Variants in PRKCH observed in about 807,000 individuals in gnomAD.
The protein encoded by PRKCH is protein kinase C eta.
In PRKCH, 28 loss-of-function variants were observed where a neutral mutation model predicts 82.5. The ratio of observed to expected loss-of-function variants is 0.34; its 90% confidence interval spans 0.25 to 0.47. The LOEUF is 0.47. PRKCH is among the 20% of genes least tolerant of loss of function. The pLI, the probability that PRKCH is intolerant of heterozygous loss-of-function variation, is 1.00. For synonymous variants in PRKCH, 322 were observed against 327.4 expected, an observed-to-expected ratio of 0.98 and a Z score of 0.18; for missense variants, 705 against 881.8, an observed-to-expected ratio of 0.80 and a Z score of 2.54.
intron 10 of PRKCH, among the ~76,000 whole-genome samples, chr14:61,493,800 G>A (rs1287471453): frequency 1.3e-5 from 2 of 151,810 alleles, no homozygotes; most frequent in African/African-American, 4.8e-5. Context: ...TGAGGCAGTT[G>A]CAGAGTTCCA....
intron 1 of PRKCH, among the ~76,000 whole-genome samples, chr14:61,275,109 A>G (rs1467854293): frequency 1.3e-5 from 2 of 152,200 alleles, no homozygotes; most frequent in African/African-American, 4.8e-5. Flanking sequence ...AATGTCTTTT[A>G]CTTATTAAAA....
intron 3 of PRKCH, among the ~76,000 whole-genome samples, chr14:61,444,463 G>A (rs530196126): frequency 8.1e-6 from 1 of 123,142 alleles, no homozygotes; most frequent in Non-Finnish European, 1.8e-5. Context: ...CCAGGCCCCT[G>A]TAGGCATTAG....
At chr14:61,403,525 A>C (rs770458588) in intron 2 of PRKCH, among the ~76,000 whole-genome samples, 2 of 152,286 alleles carry the variant, frequency 1.3e-5, no homozygotes, top group Non-Finnish European at 2.9e-5. Context: ...TCTCATAAAA[A>C]TAAGGTCAGG....
Position 61,549,904 on chromosome 14 carries a change from G to A in PRKCH, c.*73G>A. The A allele has an allele frequency of 6.6e-7, 1 of 1,507,502 alleles. No individual in the cohort carries two copies. The highest frequency in any genetic ancestry group is 9.0e-7 in the Non-Finnish European group (1 of 1,111,302). 93.4% of individuals were successfully genotyped at this position (1,507,502 alleles called of 1,614,324 possible). On this transcript the variant is annotated 3_prime_UTR_variant, in exon 14 of 14. Transcript: ENST00000332981. Reference sequence around the variant, plus strand: ...GATTCTCCAGGAATTTCCTCTATGGGACCTTCCCAGCATCAGCCTTAGAAC... The same window carrying A: ...GATTCTCCAGGAATTTCCTCTATGGAACCTTCCCAGCATCAGCCTTAGAAC...
intron 1 of PRKCH, among the ~76,000 whole-genome samples, chr14:61,205,899 T>A (rs1429243438): frequency 2.0e-5 from 3 of 152,226 alleles, no homozygotes; most frequent in Non-Finnish European, 4.4e-5. Flanking sequence ...TTTTGGGTTT[T>A]CTTCCTTCTC....
chr14:61,266,618 C>T (rs1566799922), intron 1 of PRKCH, among the ~76,000 whole-genome samples: 3 of 152,110 alleles, frequency 2.0e-5, no homozygotes. Flanking sequence ...TGACTCAGCA[C>T]TGAAACATGG....
intron 2 of PRKCH, among the ~76,000 whole-genome samples, chr14:61,410,956 G>C (rs1769419780): frequency 6.6e-6 from 1 of 152,198 alleles, no homozygotes; most frequent in Admixed American, 6.5e-5. Flanking sequence ...AAATGAGGGT[G>C]ATTGCAAAGG....
At chr14:61,435,389 TTGAG>T (rs1286350355) in intron 2 of PRKCH, among the ~76,000 whole-genome samples, 1 of 152,116 alleles carries the variant, frequency 6.6e-6, no homozygotes, top group East Asian at 1.9e-4. Flanking sequence ...CTAAGGTTGT[TTGAG>T]TGACTCCAAG....
chr14:61,549,078 C>A (rs757909913), intron 13 of PRKCH, among the ~76,000 whole-genome samples: 51 of 152,302 alleles, frequency 3.3e-4, no homozygotes, highest in Middle Eastern at 3.4e-3. Flanking sequence ...CAATGGTCAG[C>A]CCCCTGCCAG....
At chr14:61,472,414 G>A (rs1270250317) in intron 9 of PRKCH, among the ~76,000 whole-genome samples, 1 of 152,182 alleles carries the variant, frequency 6.6e-6, no homozygotes, top group East Asian at 1.9e-4. Context: ...CCTGTGTGTG[G>A]TACATGTGGT....
chr14:61,398,881 C>A (rs921518557), intron 2 of PRKCH, among the ~76,000 whole-genome samples: 1 of 152,104 alleles, frequency 6.6e-6, no homozygotes, highest in Admixed American at 6.5e-5. Flanking sequence ...AATATATGGG[C>A]CACATTTTAT....
chr14:61,408,435 C>T (rs1274947817), intron 2 of PRKCH, among the ~76,000 whole-genome samples: 1 of 152,048 alleles, frequency 6.6e-6, no homozygotes, highest in African/African-American at 2.4e-5. Context: ...TCAAAATTTC[C>T]TGGGAATTGC....
At chr14:61,437,582 C>G (rs1000020111) in intron 2 of PRKCH, among the ~76,000 whole-genome samples, 3 of 152,286 alleles carry the variant, frequency 2.0e-5, no homozygotes, top group Non-Finnish European at 2.9e-5. Context: ...CTCACTTAAC[C>G]TTCCTGTTAG....
chr14:61,224,445 G>A (rs1013207000), intron 1 of PRKCH, among the ~76,000 whole-genome samples: 7 of 152,186 alleles, frequency 4.6e-5, no homozygotes, highest in African/African-American at 1.7e-4. Flanking sequence ...GACCCCATCT[G>A]AGATCATGCA....
intron 2 of PRKCH, among the ~76,000 whole-genome samples, chr14:61,395,493 G>A (rs1171916981): frequency 6.6e-6 from 1 of 152,158 alleles, no homozygotes; most frequent in Non-Finnish European, 1.5e-5. Context: ...GTAAGGTCAG[G>A]CCTGCCCAGT....
At chr14:61,293,892 C>G (rs1267844295) in intron 1 of PRKCH, among the ~76,000 whole-genome samples, 6 of 152,172 alleles carry the variant, frequency 3.9e-5, no homozygotes, top group Non-Finnish European at 8.8e-5. Context: ...CAAGCTCTTT[C>G]AAGGTAATAA....
At chr14:61,378,789 C>T (rs573795189) in intron 1 of PRKCH, among the ~76,000 whole-genome samples, 11 of 152,282 alleles carry the variant, frequency 7.2e-5, no homozygotes, top group Admixed American at 2.0e-4. Flanking sequence ...GCATCAGTTA[C>T]GAAAAGTCCA....
At chr14:61,200,036 C>T (rs191299889) in intron 1 of PRKCH, among the ~76,000 whole-genome samples, 50 of 152,228 alleles carry the variant, frequency 3.3e-4, no homozygotes, top group Non-Finnish European at 5.9e-4. Flanking sequence ...AATTTCATAT[C>T]GTATCCCTTT....
intron 1 of PRKCH, among the ~76,000 whole-genome samples, chr14:61,228,447 C>T (rs1414683142): frequency 6.6e-6 from 1 of 152,172 alleles, no homozygotes; most frequent in Non-Finnish European, 1.5e-5. Context: ...ATAGAAGCCA[C>T]CTCTTCTCAA....
Sources: allele counts gnomAD v4.1 joint callset (sites outside exome capture counted in the v4.1 genomes callset), GRCh38; gene constraint gnomAD v4.1.1; transcripts MANE v1.5; gene names NCBI Gene and HGNC (gene_info 2026-07-23, HGNC 2026-07-21).